The following KANSL1L variants were observed in gnomAD, a reference collection of about 807,000 sequenced individuals.
KANSL1L encodes the protein KAT8 regulatory NSL complex subunit 1-like protein.
In KANSL1L, 25 loss-of-function variants were observed where a neutral mutation model predicts 108.6. The observed-to-expected ratio is 0.23, with a 90% CI of 0.17 to 0.32. The LOEUF (loss-of-function observed/expected upper bound fraction) is 0.32, where lower values mean the gene tolerates loss of function less well. Ranked by LOEUF, KANSL1L falls within the 10% of genes least tolerant of loss-of-function variation. KANSL1L has a pLI of 1.00. For synonymous variants in KANSL1L, 405 were observed against 395.1 expected (o/e 1.03, Z -0.30); for missense variants, 1,137 against 1,125.7 (o/e 1.01, Z -0.14).
intron 3 of KANSL1L, among the ~76,000 whole-genome samples, chr2:210,124,457 A>G (rs1389069935): frequency 2.0e-5 from 3 of 152,142 alleles, no homozygotes; most frequent in African/African-American, 7.2e-5. Flanking sequence ...AACGAAAATG[A>G]AAACAAAACA....
chr2:210,051,610 A>T (rs1227891168), intron 6 of KANSL1L, among the ~76,000 whole-genome samples: 1 of 152,172 alleles, frequency 6.6e-6, no homozygotes, highest in African/African-American at 2.4e-5. Context: ...CAATCAAAAA[A>T]ATTTTCCTTC....
In KANSL1L at chr2:210,052,092, CT is replaced by C. The variant is rs1175291388; in HGVS notation, c.1756-7989del. Among the ~76,000 whole-genome samples, 23 of 150,674 alleles carry C rather than the reference CT, an allele frequency of 1.5e-4. 1 individual carries two copies. Among genetic ancestry groups the C allele is most frequent in the Non-Finnish European group, 1.5e-5 (1 of 67,810 alleles). On this transcript the variant is annotated intron_variant, in intron 6 of 14. Transcript: ENST00000281772. ...CTATCAAGACTCACTGCAGCCTCTA[CT>C]GCCTGGCTCAAGCAATCCTCCCACC...
intron 2 of KANSL1L, among the ~76,000 whole-genome samples, chr2:210,144,275 T>G (rs765310755): frequency 5.9e-5 from 9 of 152,218 alleles, no homozygotes; most frequent in Non-Finnish European, 1.3e-4. Flanking sequence ...ACAGTTTGAC[T>G]ATAATATGTT....
chr2:210,092,806 C>G (rs2094703667), intron 5 of KANSL1L, among the ~76,000 whole-genome samples: 1 of 152,226 alleles, frequency 6.6e-6, no homozygotes, highest in Admixed American at 6.5e-5. Flanking sequence ...GCATTTGCCT[C>G]TGCCATTCCA....
At chr2:210,042,090 C>T (rs1003208701) in intron 7 of KANSL1L, among the ~76,000 whole-genome samples, 7 of 152,164 alleles carry the variant, frequency 4.6e-5, no homozygotes, top group Non-Finnish European at 7.3e-5. Context: ...ACCAATTCTA[C>T]CACTGTTCTT....
chr2:210,064,746 C>A (rs888545628), intron 6 of KANSL1L, among the ~76,000 whole-genome samples: 2 of 147,016 alleles, frequency 1.4e-5, no homozygotes, highest in Non-Finnish European at 3.0e-5. Context: ...GAGGTCGAGG[C>A]TGCAGTGAGC....
chr2:210,050,333 T>C (rs894356495), intron 6 of KANSL1L, among the ~76,000 whole-genome samples: 2 of 152,050 alleles, frequency 1.3e-5, no homozygotes, highest in Non-Finnish European at 2.9e-5. Context: ...TTACATCAAG[T>C]ATAAATGGTC....
chr2:210,161,792 T>C (rs1339611402), intron 1 of KANSL1L, among the ~76,000 whole-genome samples: 2 of 152,068 alleles, frequency 1.3e-5, no homozygotes, highest in African/African-American at 2.4e-5. Context: ...TTTTTTTAGG[T>C]ATTATTTCAT....
At chr2:210,093,371 C>T (rs1259611650) in intron 5 of KANSL1L, among the ~76,000 whole-genome samples, 4 of 152,164 alleles carry the variant, frequency 2.6e-5, no homozygotes. Flanking sequence ...GTCTTGAACT[C>T]GTGGCCTCAA....
rs1046734737 is a variant in KANSL1L, at chr2:210,044,682, C to T, written c.1756-578G>A. Among the ~76,000 whole-genome samples the T allele has an allele frequency of 2.6e-5, 4 of 151,782 alleles. No homozygotes were observed. The highest frequency in any genetic ancestry group is 9.7e-5 in the African/African-American group (4 of 41,340). On this transcript the variant is annotated intron_variant, in intron 6 of 14. Coordinates refer to ENST00000281772, the MANE Select transcript of KANSL1L (RefSeq NM_152519.4). The surrounding 1 kb of genome is among the most constrained non-coding windows in gnomAD (Gnocchi z 4.2). ...AAAATATATTAATGTTGAATTTAAT[C>T]ATATGCTTTTTTTGAACCTAATAAA...
At chr2:210,157,071 A>AT (rs1687948920) in intron 1 of KANSL1L, among the ~76,000 whole-genome samples, 2 of 152,150 alleles carry the variant, frequency 1.3e-5, no homozygotes, top group South Asian at 4.1e-4. Context: ...ACAAGCTAGC[A>AT]TTAGGAAATT....
intron 8 of KANSL1L, among the ~76,000 whole-genome samples, chr2:210,037,646 A>C (rs1326722134): frequency 6.6e-6 from 1 of 152,182 alleles, no homozygotes; most frequent in Non-Finnish European, 1.5e-5. Flanking sequence ...CTCAGCAGTG[A>C]ACAACTTATA....
chr2:210,138,305 G>A (rs112905875), intron 2 of KANSL1L, among the ~76,000 whole-genome samples: 77 of 152,096 alleles, frequency 5.1e-4, no homozygotes, highest in African/African-American at 1.8e-3. Flanking sequence ...ATAGACACTG[G>A]GGACTAATGG....
chr2:210,151,358 C>T (rs1559605770), intron 2 of KANSL1L: 3 of 152,252 alleles, frequency 2.0e-5, no homozygotes, highest in South Asian at 4.1e-4. Flanking sequence ...TTAAAAAAGA[C>T]AAATCTTTCC....
At chr2:210,131,724 T>TA (rs2095122480) in intron 2 of KANSL1L, among the ~76,000 whole-genome samples, 1 of 151,390 alleles carries the variant, frequency 6.6e-6, no homozygotes, top group Non-Finnish European at 1.5e-5. Context: ...TTTTTTTTTT[T>TA]AGTTTTGCTG....
At chr2:210,050,841 T>C (rs2094284620) in intron 6 of KANSL1L, among the ~76,000 whole-genome samples, 1 of 151,894 alleles carries the variant, frequency 6.6e-6, no homozygotes, top group South Asian at 2.1e-4. Context: ...ACTCCAGGGC[T>C]CAAGTGATCC....
rs1159077111 is a variant in KANSL1L at position 210,171,313 on chromosome 2, C to T, written c.-194G>A. ...CCGCCCCGGCCGCCGCCGCCGCCGC[C>T]GCCGCCGCCGCCGCCGCCGCCGCCG... On this transcript the variant is annotated 5_prime_UTR_variant, in exon 1 of 15. Transcript: ENST00000281772. 7.6e-6 allele frequency: 1 copy of T among 130,914 alleles called. No individual in the cohort carries two copies. The highest frequency in any genetic ancestry group is 2.2e-4 in the South Asian group (1 of 4,472). 8.1% of individuals were successfully genotyped at this position (130,914 alleles called of 1,614,324 possible).
chr2:210,100,245 G>A (rs1170274249), intron 4 of KANSL1L, among the ~76,000 whole-genome samples: 1 of 152,068 alleles, frequency 6.6e-6, no homozygotes, highest in Non-Finnish European at 1.5e-5. Context: ...GATGATCTGA[G>A]GTGGAACAGT....
At chr2:210,072,965 CA>C (rs1401855175) in intron 6 of KANSL1L, among the ~76,000 whole-genome samples, 1 of 152,182 alleles carries the variant, frequency 6.6e-6, no homozygotes, top group Non-Finnish European at 1.5e-5. Context: ...AGCATCCTAG[CA>C]TATGGAAAAG....
Sources: allele counts gnomAD v4.1 joint callset (sites outside exome capture counted in the v4.1 genomes callset), GRCh38; gene constraint gnomAD v4.1.1; non-coding constraint Gnocchi (gnomAD v3.1); transcripts MANE v1.5; gene names NCBI Gene and HGNC (gene_info 2026-07-23, HGNC 2026-07-21).